The following CHSY3 variants were observed in gnomAD, a reference collection of about 807,000 sequenced individuals.
CHSY3 encodes the protein chondroitin sulfate synthase 3, also known as N-acetylgalactosaminyl-proteoglycan 3-beta-glucuronosyltransferase 3.
Under a neutral mutation model 67.2 loss-of-function variants are expected in CHSY3, and 35 were observed. The observed-to-expected ratio is 0.52, with a 90% CI of 0.40 to 0.69. The LOEUF is 0.69. Among genes scored for constraint, CHSY3 ranks in the 30% least tolerant of loss-of-function variants. CHSY3 has a pLI of 0.00. For missense variants in CHSY3, 1,069 were observed against 1,138.5 expected, an observed-to-expected ratio of 0.94 and a Z score of 0.88; for synonymous variants, 474 against 434.7, an observed-to-expected ratio of 1.09 and a Z score of -1.12.
At chr5:130,109,663 G>A (rs1040701726) in intron 2 of CHSY3, among the ~76,000 whole-genome samples, 3 of 151,642 alleles carry the variant, frequency 2.0e-5, no homozygotes, top group African/African-American at 7.3e-5. Context: ...CTTCCTTAAA[G>A]AACACACTTT....
At chr5:129,949,505 A>G (rs1218554352) in intron 2 of CHSY3, among the ~76,000 whole-genome samples, 1 of 152,178 alleles carries the variant, frequency 6.6e-6, no homozygotes, top group East Asian at 1.9e-4. Flanking sequence ...TGACCTGGTG[A>G]CTTCACTGGT....
intron 2 of CHSY3, among the ~76,000 whole-genome samples, chr5:130,073,250 A>T (rs1279999515): frequency 6.6e-6 from 1 of 152,104 alleles, no homozygotes; most frequent in Admixed American, 6.6e-5. Flanking sequence ...ATGTCATATT[A>T]TACCCCATAA....
intron 2 of CHSY3, among the ~76,000 whole-genome samples, chr5:130,115,042 G>T (rs1027625622): frequency 3.3e-5 from 5 of 151,748 alleles, no homozygotes; most frequent in African/African-American, 1.2e-4. Flanking sequence ...TTGCTTGCAG[G>T]GCATGATTAC....
At chr5:130,155,031 G>T (rs1769332298) in intron 2 of CHSY3, among the ~76,000 whole-genome samples, 1 of 152,190 alleles carries the variant, frequency 6.6e-6, no homozygotes, top group African/African-American at 2.4e-5. Context: ...ACTCCAACAG[G>T]TTTGAATCTT....
At chr5:130,108,063 C>T (rs1392826851) in intron 2 of CHSY3, among the ~76,000 whole-genome samples, 4 of 151,378 alleles carry the variant, frequency 2.6e-5, no homozygotes, top group Non-Finnish European at 4.4e-5. Context: ...TTACAAAGCA[C>T]TTTCATATAT....
Position 130,156,519 on chromosome 5 carries a change from G to A in CHSY3, c.1087-27710G>A, listed in dbSNP as rs141849282. Among the ~76,000 whole-genome samples the A allele has an allele frequency of 3.5e-3, 535 of 152,288 alleles. 5 individuals carry two copies. Among genetic ancestry groups the A allele is most frequent in the African/African-American group, 0.012 (502 of 41,554 alleles). ...AGATCAGAAAAGTGGAATGACAAAGGCTGAGTGATTTGAATGAAGGACTAT... is the reference window on the plus strand; with the variant it reads ...AGATCAGAAAAGTGGAATGACAAAGACTGAGTGATTTGAATGAAGGACTAT... On this transcript the variant is annotated intron_variant, in intron 2 of 2. Coordinates refer to ENST00000305031, the MANE Select transcript of CHSY3 (RefSeq NM_175856.5).
chr5:130,154,213 G>A (rs1370804116), intron 2 of CHSY3, among the ~76,000 whole-genome samples: 2 of 152,142 alleles, frequency 1.3e-5, no homozygotes, highest in Non-Finnish European at 2.9e-5. Flanking sequence ...CACCGCGTCT[G>A]GCCCTGGCTG....
chr5:130,184,432 G>A lies in CHSY3; in HGVS notation c.1290G>A (p.Leu430=), dbSNP rs1342482116. Residue 430 remains leucine, a synonymous_variant, in exon 3 of 3, where the codon CTG becomes CTA. Coordinates refer to ENST00000305031, the MANE Select transcript of CHSY3 (RefSeq NM_175856.5). ...RTIQLHRESA[L]MSKLSNTEVS... ...TCCAGCTCCACAGGGAAAGTGCCCTGATGAGCAAGCTCAGTAACACAGAAG... is the reference window on the plus strand; with the variant it reads ...TCCAGCTCCACAGGGAAAGTGCCCTAATGAGCAAGCTCAGTAACACAGAAG... 1 of 1,613,776 alleles carries A rather than the reference G, an allele frequency of 6.2e-7. No individual in the cohort carries two copies. Among genetic ancestry groups the A allele is most frequent in the Non-Finnish European group, 8.5e-7 (1 of 1,179,674 alleles).
intron 2 of CHSY3, among the ~76,000 whole-genome samples, chr5:130,117,220 G>A (rs1436767309): frequency 1.3e-5 from 2 of 152,188 alleles, no homozygotes; most frequent in South Asian, 4.1e-4. Context: ...GTGGGAAAGT[G>A]ATGGTCTTAA....
rs1312002156 is a variant in CHSY3 at position 130,184,998 on chromosome 5, A to G, written c.1856A>G (p.Lys619Arg). Residue 619 changes from lysine to arginine, a missense_variant, in exon 3 of 3, where the codon AAG (lysine) becomes AGG (arginine). Coordinates refer to ENST00000305031, the MANE Select transcript of CHSY3 (RefSeq NM_175856.5). ...GAKEMGGHNE[K>R]KVHILVPLIG... ...AAAGAAATGGGAGGGCACAATGAAA[A>G]GAAAGTACACATTCTCGTTCCTCTC... 3.8e-6 allele frequency: 6 copies of G among 1,563,124 alleles called. No homozygotes were observed. The highest frequency in any genetic ancestry group is 5.3e-6 in the Non-Finnish European group (6 of 1,133,946).
chr5:130,026,493 T>A (rs1239856967), intron 2 of CHSY3, among the ~76,000 whole-genome samples: 2 of 151,922 alleles, frequency 1.3e-5, no homozygotes, highest in Non-Finnish European at 2.9e-5. Context: ...AATATTATTA[T>A]GGACTCTCAG....
chr5:129,906,612 CAA>C (rs1365962460), intron 1 of CHSY3, among the ~76,000 whole-genome samples: 5 of 152,176 alleles, frequency 3.3e-5, no homozygotes, highest in African/African-American at 1.2e-4. Context: ...CTCAGCGGAT[CAA>C]AGTTCTTTAG....
chr5:130,088,731 G>A (rs902367466), intron 2 of CHSY3, among the ~76,000 whole-genome samples: 6 of 152,128 alleles, frequency 3.9e-5, no homozygotes, highest in Non-Finnish European at 1.5e-5. Context: ...AACAGGTGCT[G>A]GAGAGGATGT....
intron 2 of CHSY3, among the ~76,000 whole-genome samples, chr5:130,056,224 G>A (rs961563910): frequency 1.3e-5 from 2 of 151,720 alleles, no homozygotes; most frequent in Middle Eastern, 3.2e-3. Flanking sequence ...TCTGACTCAG[G>A]TGGTTCAAGA....
At chr5:130,081,343 T>G (rs1580714142) in intron 2 of CHSY3, among the ~76,000 whole-genome samples, 4 of 127,478 alleles carry the variant, frequency 3.1e-5, no homozygotes, top group Admixed American at 1.7e-4. Flanking sequence ...TGGGTGGGGG[T>G]GCTGCAGGAC....
chr5:129,967,619 T>C (rs570478936), intron 2 of CHSY3, among the ~76,000 whole-genome samples: 7 of 151,862 alleles, frequency 4.6e-5, no homozygotes, highest in Admixed American at 2.0e-4. Context: ...TAAGACTGAA[T>C]TGCAGTACAG....
intron 2 of CHSY3, among the ~76,000 whole-genome samples, chr5:129,987,070 GT>G (rs1205617639): frequency 1.3e-5 from 2 of 152,062 alleles, no homozygotes; most frequent in Non-Finnish European, 2.9e-5. Flanking sequence ...TCAAAATTTT[GT>G]TTCATTAAAG....
chr5:129,904,855 G>A lies in CHSY3; in HGVS notation c.26G>A (p.Trp9Ter). The A allele has an allele frequency of 6.8e-7, 1 of 1,463,210 alleles. No homozygotes were observed. The highest frequency in any genetic ancestry group is 9.1e-7 in the Non-Finnish European group (1 of 1,103,694). The allele number at this position is 1,463,210 out of a possible 1,614,324, so 90.6% of individuals were successfully genotyped here. Reference protein sequence around the residue: MAVRSRRPWMSVALGLVLG... With the variant: MAVRSRRP ...ATGGCTGTGCGCTCTCGCCGCCCGT[G>A]GATGAGCGTGGCATTAGGGCTGGTG... is the stretch of plus-strand genomic sequence containing the variant. Residue 9 changes from tryptophan (W) to a stop codon, truncating the protein, a stop_gained, in exon 1 of 3, where the codon TGG becomes TAG. Transcript: ENST00000305031. LOFTEE classifies it high-confidence loss of function.
intron 2 of CHSY3, among the ~76,000 whole-genome samples, chr5:130,078,870 A>G (rs997324728): frequency 7.2e-5 from 11 of 152,166 alleles, no homozygotes; most frequent in African/African-American, 2.7e-4. Context: ...ACAGCAGTGG[A>G]GAATAAGGCC....
Sources: gnomAD v4.1 joint callset for allele counts (sites outside exome capture counted in the v4.1 genomes callset) on GRCh38, gnomAD v4.1.1 for gene constraint, MANE v1.5 for transcripts, NCBI Gene and HGNC (gene_info 2026-07-23, HGNC 2026-07-21) for gene names.